The following TNS3 variants were observed in gnomAD, a reference collection of about 807,000 sequenced individuals.
The protein encoded by TNS3 is tensin 3, also known as tensin-3.
In TNS3, 45 loss-of-function variants were observed where a neutral mutation model predicts 140.9. The ratio of observed to expected loss-of-function variants is 0.32; its 90% CI spans 0.25 to 0.41. The LOEUF is 0.41. Ranked by LOEUF, TNS3 falls within the 10% of genes least tolerant of loss-of-function variation. The pLI, the probability that TNS3 is intolerant of heterozygous loss-of-function variation, is 1.00. For synonymous variants in TNS3, 815 were observed against 788.4 expected (o/e 1.03, Z -0.56); for missense variants, 1,716 against 1,906.7 (o/e 0.90, Z 1.86).
At chr7:47,304,788 C>A in intron 21 of TNS3, 44 bp downstream of exon 21, 1 of 1,342,332 alleles carries the variant, frequency 7.4e-7, no homozygotes, top group African/African-American at 1.5e-5. Flanking sequence ...CATTCTGGGT[C>A]TTTAAGGGGA....
In TNS3 at chr7:47,416,382, T is replaced by A. The variant is rs113432685; in HGVS notation, c.474-1176A>T. Among the ~76,000 whole-genome samples the A allele has an allele frequency of 1.6e-4, 25 of 152,274 alleles. 1 individual carries two copies. The highest frequency in any genetic ancestry group is 5.8e-4 in the African/African-American group (24 of 41,544). ...CCTTATTCAAGCAGTTAAATTTGTA[T>A]ACAAACAAACTAAACAAGAGAAGAT... On this transcript the variant is annotated intron_variant, in intron 10 of 30. Transcript: ENST00000311160.
chr7:47,523,889 G>A (rs1291379043), intron 2 of TNS3, among the ~76,000 whole-genome samples: 1 of 152,236 alleles, frequency 6.6e-6, no homozygotes, highest in South Asian at 2.1e-4. Context: ...CAGGCCAGAG[G>A]GCTCAAGGCA....
rs766536604 is a variant in TNS3 at position 47,368,919 on chromosome 7, A to T, written c.1727T>A (p.Met576Lys). 5 of 1,613,398 alleles carry T rather than the reference A, an allele frequency of 3.1e-6. No homozygotes were observed. Among genetic ancestry groups the T allele is most frequent in the African/African-American group, 1.3e-5 (1 of 74,940 alleles). ...GTAGCTGCTCTGCCCATAGGCCTGC[A>T]TCTGGGCGGACACTGAGGGCTTTCT... is the stretch of plus-strand genomic sequence containing the variant. Reference protein sequence around the residue: ...LLRKPSVSAQMQAYGQSSYST... With the variant: ...LLRKPSVSAQKQAYGQSSYST... The change falls in exon 17 of 31, where the codon ATG (methionine) becomes AAG (lysine). Residue 576 changes from methionine to lysine, a missense_variant. Coordinates refer to ENST00000311160, the MANE Select transcript of TNS3 (RefSeq NM_022748.12).
intron 20 of TNS3, among the ~76,000 whole-genome samples, chr7:47,341,969 C>G (rs988604783): frequency 2.6e-5 from 4 of 151,964 alleles, no homozygotes; most frequent in Non-Finnish European, 2.9e-5. Flanking sequence ...TTCTTTGACC[C>G]ATAGATTATT....
At chr7:47,569,870 C>T (rs142241221) in intron 1 of TNS3, among the ~76,000 whole-genome samples, 1,549 of 139,198 alleles carry the variant, frequency 0.011, 29 homozygotes, top group African/African-American at 0.039. Flanking sequence ...AAGAATAGGT[C>T]GGGCGTGGTG....
intron 1 of TNS3, among the ~76,000 whole-genome samples, chr7:47,538,139 G>A (rs950093912): frequency 1.3e-5 from 2 of 152,192 alleles, no homozygotes; most frequent in Non-Finnish European, 2.9e-5. Flanking sequence ...GGATCCTGAA[G>A]AAAGGGTCAC....
chr7:47,479,388 G>A (rs528044807), intron 4 of TNS3, among the ~76,000 whole-genome samples: 1 of 152,296 alleles, frequency 6.6e-6, no homozygotes, highest in South Asian at 2.1e-4. Context: ...CTGGCTCCCG[G>A]GGCCTATGAC....
At chr7:47,292,715 A>G in intron 26 of TNS3, 113 bp downstream of exon 26, 1 of 971,608 alleles carries the variant, frequency 1.0e-6, no homozygotes, top group South Asian at 1.7e-5. Flanking sequence ...GAGAATACGA[A>G]AAAACTTCCA....
intron 20 of TNS3, among the ~76,000 whole-genome samples, chr7:47,326,419 G>A (rs1788026675): frequency 6.6e-6 from 1 of 152,154 alleles, no homozygotes; most frequent in Non-Finnish European, 1.5e-5. Flanking sequence ...AACGCAGAAT[G>A]TAATACAATT....
At chr7:47,310,972 A>G (rs892644385) in intron 20 of TNS3, among the ~76,000 whole-genome samples, 15 of 151,736 alleles carry the variant, frequency 9.9e-5, no homozygotes, top group African/African-American at 3.4e-4. Flanking sequence ...TCTATTATTG[A>G]TGGAAATTTG....
At chr7:47,294,447 ACTAT>A (rs1277064084) in intron 24 of TNS3, among the ~76,000 whole-genome samples, 1 of 152,220 alleles carries the variant, frequency 6.6e-6, no homozygotes, top group Non-Finnish European at 1.5e-5. Flanking sequence ...GAATGGCAAA[ACTAT>A]CTGAGAGTGG....
intron 10 of TNS3, among the ~76,000 whole-genome samples, chr7:47,421,491 T>C (rs1282024237): frequency 6.6e-6 from 1 of 151,928 alleles, no homozygotes; most frequent in Non-Finnish European, 1.5e-5. Context: ...AAGGCAGGTC[T>C]CAAACTCCTG....
Position 47,280,271 on chromosome 7 carries a change from AT to A in TNS3, c.4166+14del, listed in dbSNP as rs1300806788. ...TAAGTACACTCCTTGCTCAATAAAA[AT>A]GCAAATTTCTTACTTCCTGTCTTGT... On this transcript the variant is annotated intron_variant, in intron 29 of 30. Coordinates refer to ENST00000311160, the MANE Select transcript of TNS3 (RefSeq NM_022748.12). The A allele has an allele frequency of 2.5e-6, 4 of 1,614,054 alleles. No homozygotes were observed. In the African/African-American group the frequency reaches 5.3e-5, roughly 22 times the overall value.
At chr7:47,310,016 G>A (rs534372930) in intron 20 of TNS3, among the ~76,000 whole-genome samples, 5 of 152,308 alleles carry the variant, frequency 3.3e-5, no homozygotes, top group African/African-American at 7.2e-5. Flanking sequence ...ACATGGACCC[G>A]TTTGGAAGCA....
intron 3 of TNS3, among the ~76,000 whole-genome samples, chr7:47,495,203 A>G (rs1036035810): frequency 7.2e-5 from 11 of 151,784 alleles, no homozygotes; most frequent in African/African-American, 2.2e-4. Flanking sequence ...AAAAAAAAAA[A>G]AAAAAAAAGA....
chr7:47,461,748 G>C (rs971277091), intron 4 of TNS3, among the ~76,000 whole-genome samples: 1 of 152,240 alleles, frequency 6.6e-6, no homozygotes, highest in Non-Finnish European at 1.5e-5. Context: ...AAATACTGCA[G>C]AAATCAATGA....
At chr7:47,552,658 G>A (rs925811617) in intron 1 of TNS3, among the ~76,000 whole-genome samples, 2 of 152,146 alleles carry the variant, frequency 1.3e-5, no homozygotes, top group Non-Finnish European at 2.9e-5. Context: ...ATGGATAAAC[G>A]TTCTGTGTGT....
chr7:47,313,392 A>T (rs953834900), intron 20 of TNS3, among the ~76,000 whole-genome samples: 7 of 152,212 alleles, frequency 4.6e-5, no homozygotes, highest in African/African-American at 1.7e-4. Flanking sequence ...AATACTGCTC[A>T]GGGGTCTGGT....
At chr7:47,475,176 G>C (rs746214174) in intron 4 of TNS3, among the ~76,000 whole-genome samples, 1 of 152,174 alleles carries the variant, frequency 6.6e-6, no homozygotes, top group Non-Finnish European at 1.5e-5. Context: ...CTTGCACACA[G>C]AGCTGTGCAA....
Sources: allele counts gnomAD v4.1 joint callset (sites outside exome capture counted in the v4.1 genomes callset), GRCh38; gene constraint gnomAD v4.1.1; transcripts MANE v1.5; gene names NCBI Gene and HGNC (gene_info 2026-07-23, HGNC 2026-07-21).